SCRG1: variants seen among roughly 807,000 people sequenced by gnomAD.
SCRG1 encodes scrapie-responsive protein 1.
In SCRG1, 3 loss-of-function variants were observed where a neutral mutation model predicts 7.7. The observed-to-expected ratio is 0.39, with a 90% CI of 0.18 to 1.01. SCRG1 has a LOEUF of 1.01. Among genes scored for constraint, SCRG1 ranks in the 50% least tolerant of loss-of-function variants. The probability of loss-of-function intolerance (pLI) is 0.36; values close to 1 mark genes in which losing one functional copy is unlikely to be tolerated. For synonymous variants in SCRG1, 46 were observed against 41.2 expected (o/e 1.12, Z -0.44); for missense variants, 110 against 117.2 (o/e 0.94, Z 0.28).
the SCRG1 span, among the ~76,000 whole-genome samples, chr4:173,484,529 ATTATATATTATGTATATTTTATATG>A: frequency 1.2e-5 from 1 of 84,052 alleles, no homozygotes; most frequent in African/African-American, 4.9e-5. Context: ...TATAATATAT[ATTATATATTATGTATATTTTATATG>A]TTATATATTA....
At chr4:173,510,184 T>C in the SCRG1 span, among the ~76,000 whole-genome samples, 1 of 152,134 alleles carries the variant, frequency 6.6e-6, no homozygotes, top group Non-Finnish European at 1.5e-5. This position sits in a 1 kb window ranked among gnomAD's most constrained non-coding sequence, Gnocchi z 5.7. Flanking sequence ...CCCCGGGGTG[T>C]AATCCAGGAT....
chr4:173,472,876 A>C, the SCRG1 span, among the ~76,000 whole-genome samples: 23 of 152,196 alleles, frequency 1.5e-4, no homozygotes, highest in Non-Finnish European at 5.9e-5. Flanking sequence ...ATTACCCAAC[A>C]CAGCAGGTGA....
chr4:173,473,087 A>G, the SCRG1 span, among the ~76,000 whole-genome samples: 1 of 152,198 alleles, frequency 6.6e-6, no homozygotes, highest in African/African-American at 2.4e-5. Context: ...AAACTATCCT[A>G]AAAAAGTAGC....
At chr4:173,485,940 A>T in the SCRG1 span, among the ~76,000 whole-genome samples, 1 of 152,190 alleles carries the variant, frequency 6.6e-6, no homozygotes, top group Non-Finnish European at 1.5e-5. Flanking sequence ...ACCGCACTCC[A>T]GCCTGGGCAA....
At chr4:173,418,330 C>T in the SCRG1 span, among the ~76,000 whole-genome samples, 3 of 152,288 alleles carry the variant, frequency 2.0e-5, no homozygotes, top group Admixed American at 2.0e-4. Flanking sequence ...GCCTTGACCT[C>T]CCCCGTGAGA....
At chr4:173,484,259 AAT>A in the SCRG1 span, among the ~76,000 whole-genome samples, 1 of 87,688 alleles carries the variant, frequency 1.1e-5, no homozygotes, top group Non-Finnish European at 2.0e-5. Context: ...TTTTCTATAT[AAT>A]ATATATTTTA....
the SCRG1 span, among the ~76,000 whole-genome samples, chr4:173,490,499 A>C: frequency 6.6e-6 from 1 of 152,180 alleles, no homozygotes. Context: ...ACAACTAGCC[A>C]GGCCCTGCGG....
chr4:173,485,022 T>A, the SCRG1 span, among the ~76,000 whole-genome samples: 40 of 32,258 alleles, frequency 1.2e-3, 2 homozygotes, highest in African/African-American at 4.2e-3. Context: ...ATATAATATA[T>A]AATATATTAT....
At chr4:173,495,104 T>C in the SCRG1 span, among the ~76,000 whole-genome samples, 17 of 152,320 alleles carry the variant, frequency 1.1e-4, no homozygotes, top group East Asian at 2.3e-3. Flanking sequence ...CCCCAAGTGA[T>C]TGGAAAATCA....
At chr4:173,474,211 A>G in the SCRG1 span, among the ~76,000 whole-genome samples, 2 of 152,216 alleles carry the variant, frequency 1.3e-5, no homozygotes, top group Non-Finnish European at 2.9e-5. Context: ...TACATATTTT[A>G]TCTTAGACTA....
chr4:173,442,384 C>T, the SCRG1 span, among the ~76,000 whole-genome samples: 9 of 152,280 alleles, frequency 5.9e-5, no homozygotes, highest in African/African-American at 1.2e-4. Flanking sequence ...CAAATACATT[C>T]GGGATCATGT....
chr4:173,512,144 G>C, the SCRG1 span, among the ~76,000 whole-genome samples: 1 of 152,224 alleles, frequency 6.6e-6, no homozygotes, highest in Non-Finnish European at 1.5e-5. Context: ...AACAGCTCCA[G>C]GGATGCAGGG....
At chr4:173,451,326 C>A in the SCRG1 span, among the ~76,000 whole-genome samples, 3 of 151,342 alleles carry the variant, frequency 2.0e-5, no homozygotes, top group African/African-American at 4.9e-5. Context: ...CCAGGAGCAC[C>A]TAAGAGCTAA....
the SCRG1 span, among the ~76,000 whole-genome samples, chr4:173,485,458 T>C: frequency 1.3e-5 from 2 of 151,500 alleles, no homozygotes; most frequent in Non-Finnish European, 2.9e-5. Flanking sequence ...ATTAGATGAC[T>C]GAGGCTGCCT....
At chr4:173,501,879 C>T in the SCRG1 span, among the ~76,000 whole-genome samples, 9 of 152,318 alleles carry the variant, frequency 5.9e-5, no homozygotes, top group East Asian at 3.9e-4. The surrounding 1 kb of genome is among the most constrained non-coding windows in gnomAD (Gnocchi z 5.1). Context: ...ACAATTGCCC[C>T]TTCTCCTTCG....
chr4:173,506,536 A>G, the SCRG1 span, among the ~76,000 whole-genome samples: 3 of 152,238 alleles, frequency 2.0e-5, no homozygotes, highest in Non-Finnish European at 4.4e-5. The surrounding 1 kb of genome is among the most constrained non-coding windows in gnomAD (Gnocchi z 5.3). Context: ...TGTGAAGATT[A>G]AACAATAGGC....
At chr4:173,465,060 G>A in the SCRG1 span, among the ~76,000 whole-genome samples, 2 of 152,168 alleles carry the variant, frequency 1.3e-5, no homozygotes, top group African/African-American at 4.8e-5. Context: ...GTGACAGAAA[G>A]TAGAATGGTG....
the SCRG1 span, among the ~76,000 whole-genome samples, chr4:173,518,881 C>T: frequency 6.8e-6 from 1 of 147,850 alleles, no homozygotes; most frequent in African/African-American, 2.5e-5. Flanking sequence ...CAGCATCTCT[C>T]CTTTTCTGCT....
rs1739253402 is a variant in SCRG1, at chr4:173,386,517, T to G, written c.*1824A>C. Reference sequence around the variant, plus strand: ...ATTGTTTGGTCCAGCCCAGTAACACTTATTTACACAGATTAGATACCAGAC... The same window carrying G: ...ATTGTTTGGTCCAGCCCAGTAACACGTATTTACACAGATTAGATACCAGAC... On this transcript the variant is annotated 3_prime_UTR_variant, in exon 3 of 3. Coordinates refer to ENST00000296506, the MANE Select transcript of SCRG1 (RefSeq NM_007281.4). 6.6e-6 allele frequency: 1 copy of G among 152,104 alleles called. No individual in the cohort carries two copies. The highest frequency in any genetic ancestry group is 2.4e-5 in the African/African-American group (1 of 41,392). 9.4% of individuals were successfully genotyped at this position (152,104 alleles called of 1,614,324 possible). A position where few individuals can be genotyped will look rare whatever the true frequency, so the allele number is the denominator to read the frequency against.
Sources: gnomAD v4.1 joint callset for allele counts (sites outside exome capture counted in the v4.1 genomes callset) on GRCh38, gnomAD v4.1.1 for gene constraint, Gnocchi (gnomAD v3.1) non-coding constraint, MANE v1.5 for transcripts, NCBI Gene and HGNC (gene_info 2026-07-23, HGNC 2026-07-21) for gene names.